The following MAPT variants were observed in gnomAD, a reference collection of about 807,000 sequenced individuals.
The protein encoded by MAPT is microtubule-associated protein tau.
Under a neutral mutation model 67.9 loss-of-function variants are expected in MAPT, and 34 were observed. The observed-to-expected ratio is 0.50, with a 90% confidence interval of 0.38 to 0.67. MAPT has a LOEUF of 0.67. MAPT is among the 30% of genes least tolerant of loss of function. MAPT has a pLI of 0.00. For missense variants in MAPT, 881 were observed against 1,115.2 expected (o/e 0.79, Z 2.99); for synonymous variants, 456 against 464.5 (o/e 0.98, Z 0.23).
Position 45,985,411 on chromosome 17 carries a change from A to T in MAPT, c.1351+1481A>T, listed in dbSNP as rs563366352. 1.4e-4 allele frequency among the ~76,000 whole-genome samples: 22 copies of T among 152,344 alleles called. No individual in the cohort carries two copies. In the East Asian group the frequency reaches 4.2e-3, roughly 29 times the overall value. On this transcript the variant is annotated intron_variant, in intron 5 of 12. Coordinates refer to ENST00000262410, the MANE Select transcript of MAPT (RefSeq NM_001377265.1). ...AATAACTGACTTGACAGGTTACTAC[A>T]ATATTTCCTGAAATGATGTTTTCTT... is the stretch of plus-strand genomic sequence containing the variant.
At chr17:45,994,441 G>A (rs987452379) in intron 8 of MAPT, among the ~76,000 whole-genome samples, 7 of 152,214 alleles carry the variant, frequency 4.6e-5, no homozygotes, top group Admixed American at 1.3e-4. Context: ...CCTGGAGGCC[G>A]AGGCCCCATC....
At chr17:45,998,178 G>A (rs2074664192) in intron 9 of MAPT, among the ~76,000 whole-genome samples, 1 of 152,154 alleles carries the variant, frequency 6.6e-6, no homozygotes, top group African/African-American at 2.4e-5. Flanking sequence ...GTCTGAGCCT[G>A]GGGCATTTGG....
chr17:46,014,516 A>G (rs1004094349), intron 11 of MAPT, among the ~76,000 whole-genome samples, 192 bp downstream of exon 11: 1 of 152,168 alleles, frequency 6.6e-6, no homozygotes, highest in African/African-American at 2.4e-5. Flanking sequence ...GCTCCTGCCC[A>G]GGCCATGCTG....
intron 1 of MAPT, among the ~76,000 whole-genome samples, chr17:45,917,676 A>G (rs569064084): frequency 7.2e-5 from 11 of 152,256 alleles, no homozygotes; most frequent in Middle Eastern, 3.4e-3. Flanking sequence ...ACAGTTCCCA[A>G]TGACAAATGC....
At chr17:45,984,066 C>T in intron 5 of MAPT, 136 bp downstream of exon 5, 1 of 748,000 alleles carries the variant, frequency 1.3e-6, no homozygotes, top group South Asian at 1.8e-5. Flanking sequence ...AAATCGACAC[C>T]TGGGTGCAGC....
At chr17:45,984,478 A>G (rs1466547076) in intron 5 of MAPT, among the ~76,000 whole-genome samples, 1 of 152,252 alleles carries the variant, frequency 6.6e-6, no homozygotes, top group East Asian at 1.9e-4. Flanking sequence ...GCCTCCCAGG[A>G]GGTGCTGGAG....
chr17:45,897,124 C>T lies in MAPT; in HGVS notation c.-18+2438C>T, dbSNP rs2143651833. ...GGGCCCGCCGCGAGGGGTTGCAGAG[C>T]GGCTCAGGGATCGATTCAAGCATCG... is the stretch of plus-strand genomic sequence containing the variant. On this transcript the variant is annotated intron_variant, in intron 1 of 12. Transcript: ENST00000262410. This position sits in a 1 kb window ranked among gnomAD's most constrained non-coding sequence, Gnocchi z 5.0. 1 of 152,398 alleles carries T rather than the reference C, an allele frequency of 6.6e-6. No homozygotes were observed. The highest frequency in any genetic ancestry group is 1.5e-5 in the Non-Finnish European group (1 of 68,080). The allele number at this position is 152,398 out of a possible 1,614,324, so 9.4% of individuals were successfully genotyped here.
intron 11 of MAPT, among the ~76,000 whole-genome samples, chr17:46,018,148 A>G (rs914735680): frequency 6.8e-5 from 3 of 44,068 alleles, no homozygotes; most frequent in Non-Finnish European, 1.2e-4. Context: ...CTGTCTCAAG[A>G]AAAAAAAAAA....
In MAPT at chr17:45,915,324, A is replaced by AGT. The variant is rs200698446; in HGVS notation, c.-18+20648_-18+20649dup. On this transcript the variant is annotated intron_variant, in intron 1 of 12. Transcript: ENST00000262410. This position sits in a 1 kb window ranked among gnomAD's most constrained non-coding sequence, Gnocchi z 4.4. ...TGAGCGTGTGTGAGTCTGTGTGTGT[A>AGT]GTGTGTGTGTGAAGTATGTGGTGTG... Among the ~76,000 whole-genome samples, 1,696 of 140,228 alleles carry AGT rather than the reference A, an allele frequency of 0.012. 38 individuals are homozygous for AGT. The highest frequency in any genetic ancestry group is 0.044 in the African/African-American group (1,637 of 37,268). 92.0% of individuals were successfully genotyped at this position (140,228 alleles called of 152,430 possible). A position where few individuals can be genotyped will look rare whatever the true frequency, so the allele number is the denominator to read the frequency against.
At position 46,005,589 on chromosome 17, in the gene MAPT, AT is replaced by A. The variant is rs111582708; in HGVS notation, c.1999-4712del. On this transcript the variant is annotated intron_variant, in intron 9 of 12. Coordinates refer to ENST00000262410, the MANE Select transcript of MAPT (RefSeq NM_001377265.1). Reference sequence around the variant, plus strand: ...GCAAGACTCTATCTCCATTAAAACTATTTTTTTTTATTTAAAAAATAATCCG... The same window carrying A: ...GCAAGACTCTATCTCCATTAAAACTATTTTTTTTATTTAAAAAATAATCCG... Among the ~76,000 whole-genome samples the A allele has an allele frequency of 9.9e-5, 15 of 151,752 alleles. No homozygotes were observed. In the East Asian group the frequency reaches 1.4e-3, roughly 14 times the overall value.
At chr17:45,968,714 T>C (rs919686971) in intron 2 of MAPT, among the ~76,000 whole-genome samples, 4 of 152,206 alleles carry the variant, frequency 2.6e-5, no homozygotes, top group Admixed American at 2.0e-4. Flanking sequence ...ATCACCACCA[T>C]TGGCACTAAA....
At chr17:46,014,831 A>G (rs1032631484) in intron 11 of MAPT, among the ~76,000 whole-genome samples, 1 of 150,828 alleles carries the variant, frequency 6.6e-6, no homozygotes, top group Non-Finnish European at 1.5e-5. Flanking sequence ...CGGAGTGAGC[A>G]GAGATCGCGC....
chr17:45,982,012 C>T (rs1431215041), intron 4 of MAPT, among the ~76,000 whole-genome samples: 2 of 134,780 alleles, frequency 1.5e-5, no homozygotes, highest in Non-Finnish European at 3.2e-5. Flanking sequence ...GAACGAGACC[C>T]TGTCTCAAAA....
intron 4 of MAPT, chr17:45,980,005 G>A (rs537389788): frequency 1.3e-5 from 2 of 152,302 alleles, no homozygotes; most frequent in Non-Finnish European, 2.9e-5. Context: ...AGTAAGCTAT[G>A]GGAAGGCCTG....
chr17:45,950,210 G>A (rs2068922029), intron 1 of MAPT, among the ~76,000 whole-genome samples: 1 of 152,186 alleles, frequency 6.6e-6, no homozygotes, highest in Non-Finnish European at 1.5e-5. Context: ...TCATGGGCAG[G>A]TGCCCAGGAA....
intron 1 of MAPT, among the ~76,000 whole-genome samples, chr17:45,940,900 C>A (rs1428941300): frequency 6.6e-6 from 1 of 152,156 alleles, no homozygotes; most frequent in Non-Finnish European, 1.5e-5. Flanking sequence ...AAGTCCTTTC[C>A]AAAAGCTTCT....
Position 46,010,259 on chromosome 17 carries a change from C to A in MAPT, c.1999-51C>A. On this transcript the variant is annotated intron_variant, in intron 9 of 12. Coordinates refer to ENST00000262410, the MANE Select transcript of MAPT (RefSeq NM_001377265.1). This position sits in a 1 kb window ranked among gnomAD's most constrained non-coding sequence, Gnocchi z 4.7. ...AAGTGGAGGCGTCCTTGCGAGCAAGCAGGCGGGTCCAGGGTGGCGTGTCAC... is the reference window on the plus strand; with the variant it reads ...AAGTGGAGGCGTCCTTGCGAGCAAGAAGGCGGGTCCAGGGTGGCGTGTCAC... 7.9e-7 allele frequency: 1 copy of A among 1,266,572 alleles called. No individual in the cohort carries two copies. The highest frequency in any genetic ancestry group is 1.1e-6 in the Non-Finnish European group (1 of 888,398). The allele number at this position is 1,266,572 out of a possible 1,614,324, so 78.5% of individuals were successfully genotyped here.
chr17:45,959,049 C>T (rs1238181899), intron 1 of MAPT, among the ~76,000 whole-genome samples: 1 of 152,074 alleles, frequency 6.6e-6, no homozygotes. Flanking sequence ...GGCTACAGAG[C>T]GAGACTCTGT....
Position 45,906,147 on chromosome 17 carries a change from G to C in MAPT, c.-18+11461G>C, listed in dbSNP as rs1346110320. On this transcript the variant is annotated intron_variant, in intron 1 of 12. Transcript: ENST00000262410. The surrounding 1 kb of genome is among the most constrained non-coding windows in gnomAD (Gnocchi z 4.3). ...CAAACCAGGGTGCAAGACAGTGGGT[G>C]GGGGTGCCTTGAGCATGACCTCAAG... Among the ~76,000 whole-genome samples the C allele has an allele frequency of 6.6e-6, 1 of 152,180 alleles. No homozygotes were observed. The highest frequency in any genetic ancestry group is 1.5e-5 in the Non-Finnish European group (1 of 68,024).
Sources: allele counts gnomAD v4.1 joint callset (sites outside exome capture counted in the v4.1 genomes callset), GRCh38; gene constraint gnomAD v4.1.1; non-coding constraint Gnocchi (gnomAD v3.1); transcripts MANE v1.5; gene names NCBI Gene and HGNC (gene_info 2026-07-23, HGNC 2026-07-21).